Variants in SHLD1 observed in about 807,000 individuals in gnomAD.
The protein encoded by SHLD1 is shieldin complex subunit 1.
In SHLD1, 3 loss-of-function variants were observed where a neutral mutation model predicts 5.5. The observed-to-expected ratio is 0.54, with a 90% confidence interval of 0.25 to 1.40. The LOEUF is 1.40. SHLD1 is among the 40% of genes most tolerant of loss of function. The probability of loss-of-function intolerance (pLI) is 0.15; values close to 1 mark genes in which losing one functional copy is unlikely to be tolerated. For missense variants in SHLD1, 210 were observed against 244.4 expected, an observed-to-expected ratio of 0.86 and a Z score of 0.94; for synonymous variants, 92 against 94.3, an observed-to-expected ratio of 0.98 and a Z score of 0.14.
chr20:5,758,342 G>A (rs1013492686), intron 1 of SHLD1, among the ~76,000 whole-genome samples: 8 of 127,340 alleles, frequency 6.3e-5, no homozygotes, highest in Non-Finnish European at 3.4e-5. Context: ...GAGGGGAAGG[G>A]AGGGGGAGGG....
chr20:5,807,857 G>A (rs1192811335), intron 2 of SHLD1, among the ~76,000 whole-genome samples: 1 of 152,122 alleles, frequency 6.6e-6, no homozygotes, highest in Non-Finnish European at 1.5e-5. Context: ...TTGGAGGAAG[G>A]TCCCCAGGTG....
intron 2 of SHLD1, among the ~76,000 whole-genome samples, chr20:5,858,902 A>C (rs1466816300): frequency 6.6e-6 from 1 of 152,220 alleles, no homozygotes; most frequent in Non-Finnish European, 1.5e-5. Context: ...TAACAATTGG[A>C]TGCATGCAAA....
intron 1 of SHLD1, among the ~76,000 whole-genome samples, chr20:5,767,585 G>A (rs941752825): frequency 2.6e-5 from 4 of 152,120 alleles, no homozygotes; most frequent in Non-Finnish European, 5.9e-5. Flanking sequence ...ATGAATTCTT[G>A]TTCATGAGAT....
intron 2 of SHLD1, among the ~76,000 whole-genome samples, chr20:5,842,748 C>G (rs965711371): frequency 2.0e-5 from 3 of 152,098 alleles, no homozygotes; most frequent in Non-Finnish European, 4.4e-5. Flanking sequence ...TTCTAATTAT[C>G]TTTCCACTGG....
intron 2 of SHLD1, among the ~76,000 whole-genome samples, chr20:5,842,566 T>C (rs2087878234): frequency 6.6e-6 from 1 of 152,246 alleles, no homozygotes; most frequent in South Asian, 2.1e-4. Context: ...ACCCATTAAC[T>C]CGTTGTCTCA....
chr20:5,782,896 T>A (rs1249606012), intron 2 of SHLD1, among the ~76,000 whole-genome samples: 1 of 152,208 alleles, frequency 6.6e-6, no homozygotes. Context: ...GTCAAATTCT[T>A]GATGTGTTGT....
At chr20:5,809,375 A>G (rs759324119) in intron 2 of SHLD1, among the ~76,000 whole-genome samples, 7 of 152,040 alleles carry the variant, frequency 4.6e-5, no homozygotes, top group Non-Finnish European at 8.8e-5. Flanking sequence ...TCAGAGTTAA[A>G]TCCTCATTTC....
intron 2 of SHLD1, among the ~76,000 whole-genome samples, chr20:5,839,209 G>A (rs565672230): frequency 2.0e-5 from 3 of 152,276 alleles, no homozygotes; most frequent in Admixed American, 6.5e-5. Flanking sequence ...AACTTGTCAT[G>A]TCAAATGAAA....
chr20:5,764,705 GA>G (rs1487922778), intron 1 of SHLD1, among the ~76,000 whole-genome samples: 1 of 151,978 alleles, frequency 6.6e-6, no homozygotes, highest in Non-Finnish European at 1.5e-5. Flanking sequence ...GATATAAATG[GA>G]AATAATGTGT....
rs60238169 is a variant in SHLD1 at position 5,829,581 on chromosome 20, G to A, written c.179-33443G>A. ...AAACTTAGAGAAGATTAACTCCGCAGCCATGTTGTAACAGGTTTTTACGGA... is the reference window on the plus strand; with the variant it reads ...AAACTTAGAGAAGATTAACTCCGCAACCATGTTGTAACAGGTTTTTACGGA... On this transcript the variant is annotated intron_variant, in intron 2 of 2. Coordinates refer to ENST00000303142, the MANE Select transcript of SHLD1 (RefSeq NM_152504.4). 3.6e-3 allele frequency among the ~76,000 whole-genome samples: 554 copies of A among 152,316 alleles called. 2 individuals carry two copies. The highest frequency in any genetic ancestry group is 0.013 in the African/African-American group (530 of 41,564).
At chr20:5,796,321 G>A (rs1366342340) in intron 2 of SHLD1, among the ~76,000 whole-genome samples, 1 of 151,940 alleles carries the variant, frequency 6.6e-6, no homozygotes, top group Admixed American at 6.6e-5. Flanking sequence ...AGTTATTAAT[G>A]TTATTAATAT....
chr20:5,764,219 GTA>G (rs71197792), intron 1 of SHLD1, among the ~76,000 whole-genome samples: 37,846 of 94,210 alleles, frequency 0.4, 6,073 homozygotes, highest in Middle Eastern at 0.45. Flanking sequence ...TTGTGTGTGT[GTA>G]TATATATATA....
At chr20:5,819,188 C>T (rs1182199541) in intron 2 of SHLD1, among the ~76,000 whole-genome samples, 1 of 152,064 alleles carries the variant, frequency 6.6e-6, no homozygotes, top group African/African-American at 2.4e-5. Context: ...TTCAGTCCCA[C>T]TCCTCGGTCT....
intron 2 of SHLD1, among the ~76,000 whole-genome samples, chr20:5,861,468 C>G (rs960409221): frequency 6.6e-6 from 1 of 152,208 alleles, no homozygotes; most frequent in African/African-American, 2.4e-5. Flanking sequence ...GCCTTAATAT[C>G]AGCTTTCTAT....
At chr20:5,767,122 A>G (rs950920252) in intron 1 of SHLD1, among the ~76,000 whole-genome samples, 2 of 149,214 alleles carry the variant, frequency 1.3e-5, no homozygotes, top group Non-Finnish European at 3.0e-5. Flanking sequence ...CTCCATTCAC[A>G]TTTTCTTTTC....
chr20:5,854,105 A>T (rs2122499550), intron 2 of SHLD1, among the ~76,000 whole-genome samples: 1 of 151,886 alleles, frequency 6.6e-6, no homozygotes, highest in African/African-American at 2.4e-5. Flanking sequence ...TCCCGGGTTC[A>T]AGCAATTCTC....
At chr20:5,856,752 CT>C (rs1385298995) in intron 2 of SHLD1, among the ~76,000 whole-genome samples, 1 of 152,160 alleles carries the variant, frequency 6.6e-6, no homozygotes, top group African/African-American at 2.4e-5. Flanking sequence ...AAAAAATTTT[CT>C]TTTAATTTTA....
At chr20:5,773,253 A>T (rs1985271620) in intron 2 of SHLD1, 2 of 684,668 alleles carry the variant, frequency 2.9e-6, no homozygotes, top group Non-Finnish European at 5.4e-6. Context: ...TGTTTCCTGG[A>T]TGTCTTTTTG....
At chr20:5,762,842 G>A (rs1196039408) in intron 1 of SHLD1, among the ~76,000 whole-genome samples, 2 of 151,944 alleles carry the variant, frequency 1.3e-5, no homozygotes, top group Non-Finnish European at 2.9e-5. Flanking sequence ...GTGTGGTAGT[G>A]CGCGCCTGTA....
Sources: allele counts gnomAD v4.1 joint callset (sites outside exome capture counted in the v4.1 genomes callset), GRCh38; gene constraint gnomAD v4.1.1; transcripts MANE v1.5; gene names NCBI Gene and HGNC (gene_info 2026-07-23, HGNC 2026-07-21).